Variants in SLC19A3 observed in about 807,000 individuals in gnomAD.
The protein encoded by SLC19A3 is solute carrier family 19 member 3.
A neutral mutation model predicts 40.2 loss-of-function variants in SLC19A3; 31 were observed. The ratio of observed to expected loss-of-function variants is 0.77; its 90% CI spans 0.58 to 1.04. The LOEUF is 1.04. SLC19A3 is among the 50% of genes least tolerant of loss of function. The pLI is 0.00. For missense variants in SLC19A3, 592 were observed against 596.7 expected (o/e 0.99, Z 0.08); for synonymous variants, 212 against 227.5 (o/e 0.93, Z 0.61).
chr2:227,713,519 TG>T (rs1301600795), intron 1 of SLC19A3, among the ~76,000 whole-genome samples: 1 of 151,116 alleles, frequency 6.6e-6, no homozygotes, highest in East Asian at 1.9e-4. Context: ...CAAAGGTTAA[TG>T]TATTAATGGG....
intron 1 of SLC19A3, among the ~76,000 whole-genome samples, chr2:227,716,188 A>G (rs1000869723): frequency 2.0e-5 from 3 of 152,206 alleles, no homozygotes; most frequent in African/African-American, 7.2e-5. Flanking sequence ...TATTGTCTAT[A>G]GACATGCAAA....
chr2:227,699,666 T>G (rs1470819642), intron 2 of SLC19A3, 102 bp from the exon 3 acceptor site: 7 of 966,498 alleles, frequency 7.2e-6, no homozygotes, highest in Admixed American at 1.8e-5. Context: ...ATTATTCGCA[T>G]TACGGAGAAA....
At chr2:227,692,549 G>T (rs1490478889) in intron 4 of SLC19A3, among the ~76,000 whole-genome samples, 3 of 152,094 alleles carry the variant, frequency 2.0e-5, no homozygotes, top group Non-Finnish European at 4.4e-5. Flanking sequence ...AAGGAACATA[G>T]TCAACATAAT....
At chr2:227,691,054 ATAAT>A in intron 4 of SLC19A3, among the ~76,000 whole-genome samples, 1 of 152,330 alleles carries the variant, frequency 6.6e-6, no homozygotes, top group East Asian at 1.9e-4. Flanking sequence ...AAAATTTGAA[ATAAT>A]TAATATCAAA....
chr2:227,690,706 C>CAAAAAAAAAAAAAAAAAAAAAAAAAAAA (rs34163746), intron 4 of SLC19A3, among the ~76,000 whole-genome samples: 1 of 39,166 alleles, frequency 2.6e-5, no homozygotes, highest in African/African-American at 9.5e-5. Context: ...GACTCCATCT[C>CAAAAAAAAAAAAAAAAAAAAAAAAAAAA]AAAAAAAAAA....
At chr2:227,705,452 GT>G (rs1414790298) in intron 1 of SLC19A3, among the ~76,000 whole-genome samples, 1 of 150,326 alleles carries the variant, frequency 6.7e-6, no homozygotes, top group Non-Finnish European at 1.5e-5. Flanking sequence ...AAAAAAAAAG[GT>G]ATACATGTTC....
intron 1 of SLC19A3, among the ~76,000 whole-genome samples, chr2:227,709,579 G>A (rs543220745): frequency 2.6e-5 from 4 of 152,190 alleles, no homozygotes; most frequent in African/African-American, 7.2e-5. Context: ...GCCTTATTTG[G>A]TCAGATTCCT....
rs1301678950 is a variant in SLC19A3 at position 227,703,145 on chromosome 2, T to C, written c.-2-825A>G. Among the ~76,000 whole-genome samples, 1 of 152,230 alleles carries C rather than the reference T, an allele frequency of 6.6e-6. No homozygotes were observed. Among genetic ancestry groups the C allele is most frequent in the African/African-American group, 2.4e-5 (1 of 41,476 alleles). On this transcript the variant is annotated intron_variant, in intron 1 of 5. Transcript: ENST00000644224. This position sits in a 1 kb window ranked among gnomAD's most constrained non-coding sequence, Gnocchi z 4.7. ...CCCTCAGCTACTGGTATTAACCTAA[T>C]GACAACCACAGTGAGGGAAAAAACG...
At chr2:227,688,099 A>G in intron 5 of SLC19A3, 67 bp downstream of exon 5, 3 of 1,534,988 alleles carry the variant, frequency 2.0e-6, no homozygotes, top group Non-Finnish European at 2.7e-6. Flanking sequence ...AAATTTAAAT[A>G]TTGCTTGTTG....
chr2:227,705,151 T>G (rs1215361095), intron 1 of SLC19A3, among the ~76,000 whole-genome samples: 4 of 152,212 alleles, frequency 2.6e-5, no homozygotes, highest in Admixed American at 2.6e-4. Flanking sequence ...GTGTTGGATT[T>G]TTTTAATGGT....
At chr2:227,702,553 C>A in intron 1 of SLC19A3, 1 of 493,630 alleles carries the variant, frequency 2.0e-6, no homozygotes, top group Non-Finnish European at 3.7e-6. Flanking sequence ...GCCACCATGA[C>A]TGGATAATTT....
intron 4 of SLC19A3, among the ~76,000 whole-genome samples, chr2:227,688,713 C>G (rs932585287): frequency 2.6e-5 from 4 of 152,082 alleles, no homozygotes; most frequent in East Asian, 1.9e-4. Flanking sequence ...TCTTCAATAC[C>G]CTGACACTGA....
intron 1 of SLC19A3, among the ~76,000 whole-genome samples, chr2:227,710,309 T>C (rs1263385264): frequency 2.0e-5 from 3 of 152,168 alleles, no homozygotes; most frequent in African/African-American, 7.2e-5. Flanking sequence ...ATTTTCACAA[T>C]AGGCTAGAAC....
At chr2:227,702,002 A>T (rs1695713550) in intron 2 of SLC19A3, 167 bp downstream of exon 2, 2 of 633,788 alleles carry the variant, frequency 3.2e-6, no homozygotes, top group Non-Finnish European at 5.5e-6. Context: ...TGCAAGTAAG[A>T]AGAGGAAATA....
rs1574536972 is a variant in SLC19A3, at chr2:227,685,203, G to C, written c.*2194C>G. 6.6e-6 allele frequency: 1 copy of C among 152,140 alleles called. No homozygotes were observed. The highest frequency in any genetic ancestry group is 1.9e-4 in the East Asian group (1 of 5,168). The allele number at this position is 152,140 out of a possible 1,614,324, so 9.4% of individuals were successfully genotyped here. ...CACATTGCTATAAAGAAACACCTGA[G>C]ACTAGATAGTTTGTAAGAAAAGGGG... is the stretch of plus-strand genomic sequence containing the variant. On this transcript the variant is annotated 3_prime_UTR_variant, in exon 6 of 6. Transcript: ENST00000644224.
chr2:227,701,066 C>A, intron 2 of SLC19A3: 1 of 1,303,894 alleles, frequency 7.7e-7, no homozygotes, highest in Non-Finnish European at 1.0e-6. Flanking sequence ...TGCTTCTGAC[C>A]CTGCATCTGT....
intron 1 of SLC19A3, chr2:227,706,233 T>TA: frequency 2.0e-6 from 2 of 1,023,148 alleles, no homozygotes; most frequent in African/African-American, 1.7e-5. Context: ...TATCCGCCTC[T>TA]AAAAAAGTGC....
At chr2:227,712,391 C>T (rs903982143) in intron 1 of SLC19A3, among the ~76,000 whole-genome samples, 37 of 151,990 alleles carry the variant, frequency 2.4e-4, no homozygotes, top group African/African-American at 8.5e-4. Context: ...AATAGATGAA[C>T]AAAAGATTTA....
chr2:227,716,232 T>A (rs1696332049), intron 1 of SLC19A3, among the ~76,000 whole-genome samples: 1 of 152,236 alleles, frequency 6.6e-6, no homozygotes, highest in South Asian at 2.1e-4. Flanking sequence ...ACAGTCTTCC[T>A]TTCCCCCATG....
Sources: allele counts gnomAD v4.1 joint callset (sites outside exome capture counted in the v4.1 genomes callset), GRCh38; gene constraint gnomAD v4.1.1; non-coding constraint Gnocchi (gnomAD v3.1); transcripts MANE v1.5; gene names NCBI Gene and HGNC (gene_info 2026-07-23, HGNC 2026-07-21).